The following RBMS3 variants were observed in gnomAD, a reference collection of about 807,000 sequenced individuals.
The protein encoded by RBMS3 is RNA-binding motif, single-stranded-interacting protein 3.
Under a neutral mutation model 66.8 loss-of-function variants are expected in RBMS3, and 27 were observed. That is an observed-to-expected ratio of 0.40 (90% CI 0.30 to 0.56). RBMS3 has a LOEUF of 0.56. Ranked by LOEUF, RBMS3 falls within the 20% of genes least tolerant of loss-of-function variation. RBMS3 has a pLI of 0.40. For missense variants in RBMS3, 513 were observed against 549.5 expected (o/e 0.93, Z 0.66); for synonymous variants, 188 against 183.0 (o/e 1.03, Z -0.22).
chr3:29,400,463 G>A (rs754612992), intron 1 of RBMS3, among the ~76,000 whole-genome samples: 87 of 152,030 alleles, frequency 5.7e-4, no homozygotes, highest in Non-Finnish European at 1.1e-3. Flanking sequence ...AAAGAGTTGC[G>A]ACTCAGGAGG....
At chr3:29,598,515 T>A (rs1373892869) in intron 4 of RBMS3, among the ~76,000 whole-genome samples, 2 of 152,240 alleles carry the variant, frequency 1.3e-5, no homozygotes, top group East Asian at 1.9e-4. Context: ...AATTATTTTA[T>A]ACAAAAGTCC....
chr3:29,950,966 C>T (rs951284622), intron 12 of RBMS3, among the ~76,000 whole-genome samples: 1 of 151,758 alleles, frequency 6.6e-6, no homozygotes, highest in Admixed American at 6.6e-5. Context: ...ATCTATTTTC[C>T]CTTAGCCTTG....
At chr3:29,357,358 T>G (rs1435970925) in intron 1 of RBMS3, among the ~76,000 whole-genome samples, 1 of 152,160 alleles carries the variant, frequency 6.6e-6, no homozygotes, top group African/African-American at 2.4e-5. Flanking sequence ...TTCATCCATG[T>G]CCCTACAAAG....
At chr3:29,515,621 T>C (rs773160802) in intron 3 of RBMS3, among the ~76,000 whole-genome samples, 1 of 152,004 alleles carries the variant, frequency 6.6e-6, no homozygotes. Context: ...TGACTTAAAC[T>C]GTTTTTCACA....
intron 3 of RBMS3, among the ~76,000 whole-genome samples, chr3:29,515,085 T>G (rs1364004315): frequency 6.6e-6 from 1 of 152,140 alleles, no homozygotes; most frequent in African/African-American, 2.4e-5. Flanking sequence ...GCAGTAGTGC[T>G]GTAAATAACA....
intron 3 of RBMS3, among the ~76,000 whole-genome samples, chr3:29,541,760 A>G (rs2045769154): frequency 6.6e-6 from 1 of 152,102 alleles, no homozygotes; most frequent in Non-Finnish European, 1.5e-5. Context: ...AAGGTCTTAC[A>G]TCTTCTGTCC....
At chr3:29,577,797 G>C (rs1267614617) in intron 3 of RBMS3, among the ~76,000 whole-genome samples, 1 of 152,150 alleles carries the variant, frequency 6.6e-6, no homozygotes, top group Non-Finnish European at 1.5e-5. Flanking sequence ...TGTTGGAGGG[G>C]TGGTTTTGAT....
chr3:29,998,783 A>G (rs980883955), intron 14 of RBMS3, among the ~76,000 whole-genome samples: 13 of 152,322 alleles, frequency 8.5e-5, no homozygotes, highest in Non-Finnish European at 1.8e-4. Flanking sequence ...GATGGATTAA[A>G]GACTTAAATG....
At chr3:29,329,975 T>G (rs2035562758) in intron 1 of RBMS3, among the ~76,000 whole-genome samples, 1 of 150,948 alleles carries the variant, frequency 6.6e-6, no homozygotes, top group Non-Finnish European at 1.5e-5. Context: ...CTTTAAAATC[T>G]TATTCATTTC....
At chr3:29,472,000 A>G (rs1055952881) in intron 2 of RBMS3, among the ~76,000 whole-genome samples, 1 of 152,000 alleles carries the variant, frequency 6.6e-6, no homozygotes, top group Non-Finnish European at 1.5e-5. Context: ...TCACTAGAAA[A>G]CATTGTTAGC....
At chr3:29,355,752 T>C (rs1175439926) in intron 1 of RBMS3, among the ~76,000 whole-genome samples, 1 of 152,122 alleles carries the variant, frequency 6.6e-6, no homozygotes, top group African/African-American at 2.4e-5. Context: ...CTTCCTTTTT[T>C]TCCCCCACAA....
chr3:29,786,004 C>T (rs1362568669), intron 6 of RBMS3, among the ~76,000 whole-genome samples: 2 of 149,806 alleles, frequency 1.3e-5, no homozygotes, highest in Non-Finnish European at 3.0e-5. Flanking sequence ...TTTCAGCATA[C>T]AAAATTAATG....
At position 29,547,126 on chromosome 3, in the gene RBMS3, A is replaced by G. The variant is rs574556254; in HGVS notation, c.308-39988A>G. On this transcript the variant is annotated intron_variant, in intron 3 of 14. Transcript: ENST00000383767. ...AAGTAGCTGGGACTACAGGCACATC[A>G]CCATACCTGGCTAATTTTTGTAGAG... 2.0e-5 allele frequency among the ~76,000 whole-genome samples: 3 copies of G among 152,098 alleles called. No individual in the cohort carries two copies. The East Asian group carries it at 5.8e-4, about 30-fold the overall frequency.
chr3:30,002,937 A>G (rs1459199629), intron 14 of RBMS3, among the ~76,000 whole-genome samples: 1 of 152,018 alleles, frequency 6.6e-6, no homozygotes, highest in African/African-American at 2.4e-5. Flanking sequence ...ATAGTAAACA[A>G]TCTGTAAAAC....
chr3:29,582,825 A>G (rs1416698647), intron 3 of RBMS3, among the ~76,000 whole-genome samples: 1 of 152,136 alleles, frequency 6.6e-6, no homozygotes, highest in Non-Finnish European at 1.5e-5. Flanking sequence ...ATTGTGATGT[A>G]GTATCTGCTG....
chr3:29,354,584 G>GAC lies in RBMS3; in HGVS notation c.75+72842_75+72843dup, dbSNP rs112339471. On this transcript the variant is annotated intron_variant, in intron 1 of 14. Coordinates refer to ENST00000383767, the MANE Select transcript of RBMS3 (RefSeq NM_001003793.3). ...ACGTGTGCACGTGCGCACACACACAGACACACACACACACAAGTATGTATA... is the reference window on the plus strand; with the variant it reads ...ACGTGTGCACGTGCGCACACACACAGACACACACACACACACAAGTATGTATA... Among the ~76,000 whole-genome samples, 501 of 151,828 alleles carry GAC rather than the reference G, an allele frequency of 3.3e-3. 2 individuals are homozygous for GAC. Among genetic ancestry groups the GAC allele is most frequent in the African/African-American group, 0.011 (437 of 41,382 alleles).
At chr3:29,389,966 A>G (rs2039208881) in intron 1 of RBMS3, among the ~76,000 whole-genome samples, 2 of 152,298 alleles carry the variant, frequency 1.3e-5, no homozygotes, top group South Asian at 4.1e-4. Flanking sequence ...GAAAGTGGTC[A>G]CTATACTTTA....
intron 4 of RBMS3, among the ~76,000 whole-genome samples, chr3:29,734,820 A>T (rs1004427968): frequency 6.6e-6 from 1 of 152,096 alleles, no homozygotes; most frequent in Non-Finnish European, 1.5e-5. Flanking sequence ...GAAAAGTTGG[A>T]CTTGCATTTT....
chr3:29,318,759 A>G (rs544818422), intron 1 of RBMS3, among the ~76,000 whole-genome samples: 1 of 152,048 alleles, frequency 6.6e-6, no homozygotes, highest in South Asian at 2.1e-4. Flanking sequence ...AGGGATGCCA[A>G]CTTGAATGAG....
Sources: allele counts gnomAD v4.1 joint callset (sites outside exome capture counted in the v4.1 genomes callset), GRCh38; gene constraint gnomAD v4.1.1; transcripts MANE v1.5; gene names NCBI Gene and HGNC (gene_info 2026-07-23, HGNC 2026-07-21).